The following UPP2 variants were observed in gnomAD, a reference collection of about 807,000 sequenced individuals.
UPP2 encodes the protein UPase 2.
UPP2 carries 23 observed loss-of-function variants against 26.7 expected under a neutral mutation model. The observed-to-expected ratio is 0.86, with a 90% CI of 0.62 to 1.22. The LOEUF is 1.22. Among genes scored for constraint, UPP2 ranks in the 50% most tolerant of loss-of-function variants. The probability of loss-of-function intolerance (pLI) is 0.00; values close to 1 mark genes in which losing one functional copy is unlikely to be tolerated. For missense variants in UPP2, 387 were observed against 396.7 expected (o/e 0.98, Z 0.21); for synonymous variants, 127 against 141.3 (o/e 0.90, Z 0.72).
intron 2 of UPP2, among the ~76,000 whole-genome samples, chr2:157,996,216 G>T (rs1683322396): frequency 6.6e-6 from 1 of 152,198 alleles, no homozygotes; most frequent in Admixed American, 6.5e-5. Flanking sequence ...CTGGAGAGAA[G>T]AGCTTTTCTT....
intron 3 of UPP2, among the ~76,000 whole-genome samples, chr2:158,029,460 A>T (rs1683891217): frequency 2.6e-5 from 4 of 152,220 alleles, no homozygotes; most frequent in African/African-American, 2.4e-5. Flanking sequence ...CCATGCAGAT[A>T]TTAGCTTTAT....
intron 6 of UPP2, among the ~76,000 whole-genome samples, chr2:158,130,794 G>A (rs940720115): frequency 2.5e-4 from 38 of 152,314 alleles, no homozygotes; most frequent in African/African-American, 8.4e-4. Flanking sequence ...CTGGGAAGAT[G>A]TTTTCATGCA....
chr2:158,057,417 G>C (rs903499350), intron 3 of UPP2, among the ~76,000 whole-genome samples: 1 of 152,104 alleles, frequency 6.6e-6, no homozygotes, highest in African/African-American at 2.4e-5. Flanking sequence ...ATTTATATCA[G>C]CATGACCTCA....
At chr2:157,997,409 G>T (rs1683338531) in intron 2 of UPP2, among the ~76,000 whole-genome samples, 1 of 151,920 alleles carries the variant, frequency 6.6e-6, no homozygotes, top group African/African-American at 2.4e-5. Flanking sequence ...TATTTTTTTG[G>T]AAACTTGTTG....
chr2:158,063,250 A>G (rs1682380859), intron 3 of UPP2, among the ~76,000 whole-genome samples: 2 of 152,186 alleles, frequency 1.3e-5, no homozygotes, highest in Non-Finnish European at 2.9e-5. Flanking sequence ...CAAACTCTGC[A>G]ATTACCTAAT....
At chr2:158,050,515 T>C (rs897883506) in intron 3 of UPP2, among the ~76,000 whole-genome samples, 2 of 151,102 alleles carry the variant, frequency 1.3e-5, no homozygotes, top group Non-Finnish European at 3.0e-5. Context: ...AAGAAGGATC[T>C]AGCTAGGTGT....
chr2:158,025,127 G>A (rs561133988), intron 3 of UPP2, among the ~76,000 whole-genome samples: 34 of 151,926 alleles, frequency 2.2e-4, no homozygotes, highest in African/African-American at 6.0e-4. Flanking sequence ...GCTTGAACCC[G>A]GGAGGTGGAG....
chr2:158,129,553 C>T (rs957252119), intron 6 of UPP2, among the ~76,000 whole-genome samples: 3 of 152,008 alleles, frequency 2.0e-5, no homozygotes, highest in African/African-American at 7.3e-5. Context: ...GAATAGACAT[C>T]TCCTGTCTCC....
chr2:158,092,124 G>T (rs1322471984), intron 3 of UPP2, among the ~76,000 whole-genome samples: 1 of 152,108 alleles, frequency 6.6e-6, no homozygotes, highest in Non-Finnish European at 1.5e-5. Context: ...TAATACATTA[G>T]GAGGACAAAC....
At chr2:158,069,102 C>A (rs546241570) in intron 3 of UPP2, among the ~76,000 whole-genome samples, 1 of 151,932 alleles carries the variant, frequency 6.6e-6, no homozygotes, top group Non-Finnish European at 1.5e-5. Flanking sequence ...CGATCAAACT[C>A]AAAATTTTAA....
intron 3 of UPP2, among the ~76,000 whole-genome samples, chr2:158,083,322 A>G (rs1253466536): frequency 6.6e-6 from 1 of 152,216 alleles, no homozygotes; most frequent in Non-Finnish European, 1.5e-5. Context: ...TCCATCAATG[A>G]TAGACTGGAT....
chr2:158,122,206 G>C (rs1019766213), intron 5 of UPP2, among the ~76,000 whole-genome samples: 1 of 150,156 alleles, frequency 6.7e-6, no homozygotes, highest in Non-Finnish European at 1.5e-5. Flanking sequence ...ACAGACCCCC[G>C]ATTCTTTCTC....
At chr2:158,125,262 G>A (rs545232010) in intron 6 of UPP2, among the ~76,000 whole-genome samples, 2 of 152,274 alleles carry the variant, frequency 1.3e-5, no homozygotes, top group East Asian at 3.9e-4. Flanking sequence ...CAGAATATAT[G>A]TGGTCATATT....
At chr2:158,004,430 G>T (rs188881137) in intron 2 of UPP2, among the ~76,000 whole-genome samples, 3 of 152,044 alleles carry the variant, frequency 2.0e-5, no homozygotes, top group Admixed American at 2.0e-4. Flanking sequence ...ATGGAAAAAT[G>T]GATATTCACA....
intron 2 of UPP2, among the ~76,000 whole-genome samples, chr2:158,010,265 A>G (rs1338208941): frequency 6.6e-6 from 1 of 152,244 alleles, no homozygotes; most frequent in Non-Finnish European, 1.5e-5. Flanking sequence ...CTTTCCCAAA[A>G]AGGAACACTA....
intron 5 of UPP2, among the ~76,000 whole-genome samples, chr2:158,122,813 C>T (rs552209937): frequency 9.2e-5 from 14 of 152,262 alleles, no homozygotes; most frequent in African/African-American, 2.6e-4. Flanking sequence ...ACCAGACACT[C>T]GCATCGACAT....
At chr2:158,101,158 T>C (rs1193802350), upstream of UPP2, among the ~76,000 whole-genome samples, 1 of 152,174 alleles carries the variant, frequency 6.6e-6, no homozygotes, top group African/African-American at 2.4e-5. Context: ...CTTCAGCTGA[T>C]TGCTATGGGA....
At chr2:158,087,235 T>C (rs186602894) in intron 3 of UPP2, among the ~76,000 whole-genome samples, 10 of 152,320 alleles carry the variant, frequency 6.6e-5, no homozygotes, top group Non-Finnish European at 1.3e-4. Context: ...TTTATCATTA[T>C]ATAATGTCCC....
intron 3 of UPP2, among the ~76,000 whole-genome samples, chr2:158,091,558 C>G (rs1432681996): frequency 6.6e-6 from 1 of 152,134 alleles, no homozygotes; most frequent in Admixed American, 6.5e-5. Context: ...ACCCTGTTGC[C>G]ACAATAATGC....
Sources: gnomAD v4.1 joint callset for allele counts (sites outside exome capture counted in the v4.1 genomes callset) on GRCh38, gnomAD v4.1.1 for gene constraint, MANE v1.5 for transcripts, NCBI Gene and HGNC (gene_info 2026-07-23, HGNC 2026-07-21) for gene names.